The following CHCHD7 variants were observed in gnomAD, a reference collection of about 807,000 sequenced individuals.
The protein encoded by CHCHD7 is coiled-coil-helix-coiled-coil-helix domain containing 7, also known as coiled-coil-helix-coiled-coil-helix domain-containing protein 7.
In CHCHD7, 7 loss-of-function variants were observed where a neutral mutation model predicts 10.5. That is an observed-to-expected ratio of 0.67 (90% CI 0.38 to 1.25). The LOEUF is 1.25. Ranked by LOEUF, CHCHD7 falls within the 50% of genes most tolerant of loss-of-function variation. The pLI is 0.02. For missense variants in CHCHD7, 100 were observed against 104.5 expected, an observed-to-expected ratio of 0.96 and a Z score of 0.19; for synonymous variants, 40 against 36.0, an observed-to-expected ratio of 1.11 and a Z score of -0.40.
intron 1 of CHCHD7, chr8:56,214,259 TG>T (rs1813205718): frequency 6.2e-6 from 1 of 161,794 alleles, no homozygotes; most frequent in Admixed American, 6.3e-5. Context: ...TTGGTAGAAA[TG>T]GGGTTTCTCT....
intron 1 of CHCHD7, chr8:56,212,768 C>A: frequency 1.2e-6 from 1 of 840,384 alleles, no homozygotes; most frequent in South Asian, 1.4e-5. Context: ...CCAGTTAATA[C>A]ACGAGGAACT....
Position 56,214,599 on chromosome 8 carries a change from A to G in CHCHD7, c.-15A>G. Reference sequence around the variant, plus strand: ...TATTTTTTTTCTGTCTACCCTCAGTAAGAAGACTGTTAGAATGCCCTCGGT... The same window carrying G: ...TATTTTTTTTCTGTCTACCCTCAGTGAGAAGACTGTTAGAATGCCCTCGGT... On this transcript the variant is annotated splice_region_variant and 5_prime_UTR_variant, in exon 2 of 4. Coordinates refer to ENST00000355315, the MANE Select transcript of CHCHD7 (RefSeq NM_001011671.3). 3 of 1,611,170 alleles carry G rather than the reference A, an allele frequency of 1.9e-6. No individual in the cohort carries two copies. Among genetic ancestry groups the G allele is most frequent in the Non-Finnish European group, 2.5e-6 (3 of 1,177,520 alleles).
At chr8:56,216,716 C>T (rs762643089) in intron 3 of CHCHD7, 185 bp downstream of exon 3, 6 of 729,152 alleles carry the variant, frequency 8.2e-6, no homozygotes, top group Admixed American at 2.0e-5. Context: ...TTAGCTGCCT[C>T]GTCGTCCTCT....
intron 1 of CHCHD7, chr8:56,212,909 G>A (rs1813098432): frequency 2.5e-6 from 4 of 1,583,076 alleles, no homozygotes; most frequent in Non-Finnish European, 3.5e-6. Context: ...ATGTTACCTA[G>A]GTATTATTTT....
intron 2 of CHCHD7, among the ~76,000 whole-genome samples, chr8:56,215,890 A>G (rs1475565963): frequency 3.9e-5 from 6 of 152,330 alleles, no homozygotes; most frequent in Non-Finnish European, 7.3e-5. Context: ...AATTGCTTAT[A>G]TAATAGTGTA....
rs201950894 is a variant in CHCHD7 at position 56,217,337 on chromosome 8, A to T, written c.160A>T (p.Ile54Phe). Residue 54 changes from isoleucine (I) to phenylalanine (F), a missense_variant, in exon 4 of 4, where the codon ATC (isoleucine) becomes TTC (phenylalanine). By Grantham distance (21) the Ile-to-Phe change is conservative. Coordinates refer to ENST00000355315, the MANE Select transcript of CHCHD7 (RefSeq NM_001011671.3). ...YKNCRRFWNS[I>F]VMQRRKNGVK... ...TTTTAATGCCTGTACACAGAATTCT[A>T]TCGTGATGCAGAGAAGAAAGAACGG... The T allele has an allele frequency of 5.6e-6, 9 of 1,601,498 alleles. No individual in the cohort carries two copies. The highest frequency in any genetic ancestry group is 3.3e-4 in the Middle Eastern group (2 of 6,062).
In CHCHD7 at chr8:56,218,721, C is replaced by T. The variant is rs1813501437; in HGVS notation, c.*1286C>T. On this transcript the variant is annotated 3_prime_UTR_variant, in exon 4 of 4. Transcript: ENST00000355315. Reference sequence around the variant, plus strand: ...TAAGAAGTATTTTTGTATTTTTAAGCACACTTGTTAAAGGGCTTGGAATTT... The same window carrying T: ...TAAGAAGTATTTTTGTATTTTTAAGTACACTTGTTAAAGGGCTTGGAATTT... 1 of 199,198 alleles carries T rather than the reference C, an allele frequency of 5.0e-6. No individual in the cohort carries two copies. The highest frequency in any genetic ancestry group is 1.0e-5 in the Non-Finnish European group (1 of 96,558). 12.3% of individuals were successfully genotyped at this position (199,198 alleles called of 1,614,324 possible). A position where few individuals can be genotyped will look rare whatever the true frequency, so the allele number is the denominator to read the frequency against.
chr8:56,211,997 C>T (rs1585846331), intron 1 of CHCHD7, 160 bp downstream of exon 1: 1 of 152,868 alleles, frequency 6.5e-6, no homozygotes. Context: ...CTCTTCCTCC[C>T]GCCACACGGG....
At chr8:56,216,011 A>C (rs1813323278) in intron 2 of CHCHD7, among the ~76,000 whole-genome samples, 3 of 152,220 alleles carry the variant, frequency 2.0e-5, no homozygotes, top group Admixed American at 2.0e-4. Flanking sequence ...TCTTGAAACC[A>C]ATATTATGAT....
chr8:56,216,309 C>CA, intron 2 of CHCHD7, 124 bp from the exon 3 acceptor site: 9 of 1,441,276 alleles, frequency 6.2e-6, no homozygotes, highest in Non-Finnish European at 8.3e-6. Flanking sequence ...GTCTACCCAT[C>CA]AAAATGAACA....
At chr8:56,212,766 T>TA in intron 1 of CHCHD7, 1 of 829,990 alleles carries the variant, frequency 1.2e-6, no homozygotes, top group South Asian at 1.4e-5. Flanking sequence ...TTCCAGTTAA[T>TA]ACACGAGGAA....
intron 2 of CHCHD7, 56 bp from the exon 3 acceptor site, chr8:56,216,376 TG>T: frequency 6.2e-7 from 1 of 1,601,388 alleles, no homozygotes; most frequent in Non-Finnish European, 8.5e-7. Context: ...TTTGTTTGTT[TG>T]TTTGCTTTTA....
chr8:56,214,435 A>G (rs1813217114), intron 1 of CHCHD7, 163 bp from the exon 2 acceptor site: 1 of 517,058 alleles, frequency 1.9e-6, no homozygotes, highest in Non-Finnish European at 3.5e-6. Flanking sequence ...AAGGAAAAAC[A>G]CGTTCAAGTT....
chr8:56,211,849 C>G lies in CHCHD7; in HGVS notation c.-17+12C>G, dbSNP rs1030351759. On this transcript the variant is annotated intron_variant, in intron 1 of 3. Coordinates refer to ENST00000355315, the MANE Select transcript of CHCHD7 (RefSeq NM_001011671.3). ...AGCGGAGGCCGGAGGTGAGTGGTTC[C>G]CCCGCCCTACCTCCGAAGCGGCCGC... 6.5e-6 allele frequency: 1 copy of G among 153,016 alleles called. No individual in the cohort carries two copies. Among genetic ancestry groups the G allele is most frequent in the African/African-American group, 2.4e-5 (1 of 41,464 alleles). 9.5% of individuals were successfully genotyped at this position (153,016 alleles called of 1,614,324 possible).
chr8:56,218,525 T>A lies in CHCHD7; in HGVS notation c.*1090T>A, dbSNP rs1585863596. On this transcript the variant is annotated 3_prime_UTR_variant, in exon 4 of 4. Transcript: ENST00000355315. ...TAATGGCTGCCGACAATGAACTGTCTGTCTGAGTCTAAAACCAAGCTCAGG... is the reference window on the plus strand; with the variant it reads ...TAATGGCTGCCGACAATGAACTGTCAGTCTGAGTCTAAAACCAAGCTCAGG... 1 of 213,306 alleles carries A rather than the reference T, an allele frequency of 4.7e-6. No homozygotes were observed. Among genetic ancestry groups the A allele is most frequent in the East Asian group, 7.0e-5 (1 of 14,198 alleles). 13.2% of individuals were successfully genotyped at this position (213,306 alleles called of 1,614,324 possible). A position where few individuals can be genotyped will look rare whatever the true frequency, so the allele number is the denominator to read the frequency against.
Position 56,217,326 on chromosome 8 carries a change from C to T in CHCHD7, c.154-5C>T, listed in dbSNP as rs1222922111. 3 of 1,578,304 alleles carry T rather than the reference C, an allele frequency of 1.9e-6. No individual in the cohort carries two copies. The highest frequency in any genetic ancestry group is 2.7e-5 in the African/African-American group (2 of 74,124). Reference sequence around the variant, plus strand: ...CTTCTTTTTTATTTTAATGCCTGTACACAGAATTCTATCGTGATGCAGAGA... The same window carrying T: ...CTTCTTTTTTATTTTAATGCCTGTATACAGAATTCTATCGTGATGCAGAGA... On this transcript the variant is annotated splice_polypyrimidine_tract_variant and splice_region_variant and intron_variant, in intron 3 of 3. Transcript: ENST00000355315.
chr8:56,216,652 C>T (rs993525169), intron 3 of CHCHD7, 121 bp downstream of exon 3: 5 of 1,005,604 alleles, frequency 5.0e-6, no homozygotes, highest in Admixed American at 3.8e-5. Flanking sequence ...CTTAACTTTT[C>T]AACTTTATCC....
In CHCHD7 at chr8:56,217,737, G is replaced by A. The variant is rs2129243091; in HGVS notation, c.*302G>A. ...TGAAAGAAGAGTATGATGTGAACAA[G>A]TAAAGACTGAATGGGGCTGAGATGA... On this transcript the variant is annotated 3_prime_UTR_variant, in exon 4 of 4. Coordinates refer to ENST00000355315, the MANE Select transcript of CHCHD7 (RefSeq NM_001011671.3). The A allele has an allele frequency of 3.5e-6, 1 of 287,268 alleles. No individual in the cohort carries two copies. Among genetic ancestry groups the A allele is most frequent in the Non-Finnish European group, 6.6e-6 (1 of 151,372 alleles). 17.8% of individuals were successfully genotyped at this position (287,268 alleles called of 1,614,324 possible).
Position 56,217,584 on chromosome 8 carries a change from T to C in CHCHD7, c.*149T>C, listed in dbSNP as rs1202408452. 2 of 543,850 alleles carry C rather than the reference T, an allele frequency of 3.7e-6. No individual in the cohort carries two copies. Among genetic ancestry groups the C allele is most frequent in the Admixed American group, 6.7e-5 (2 of 29,750 alleles). The allele number at this position is 543,850 out of a possible 1,614,324, so 33.7% of individuals were successfully genotyped here. On this transcript the variant is annotated 3_prime_UTR_variant, in exon 4 of 4. Coordinates refer to ENST00000355315, the MANE Select transcript of CHCHD7 (RefSeq NM_001011671.3). The stretch of plus-strand genomic sequence containing the variant: ...CAGTGAAGTCACCCCGTGTCCTTTT[T>C]GCTTGCTCTCAGTGCCATGCCGATG...
Sources: gnomAD v4.1 joint callset for allele counts (sites outside exome capture counted in the v4.1 genomes callset) on GRCh38, gnomAD v4.1.1 for gene constraint, MANE v1.5 for transcripts, NCBI Gene and HGNC (gene_info 2026-07-23, HGNC 2026-07-21) for gene names.